The following GSTCD variants were observed in gnomAD, a reference collection of about 807,000 sequenced individuals.
GSTCD encodes glutathione S-transferase C-terminal domain containing, also known as glutathione S-transferase C-terminal domain-containing protein.
Under a neutral mutation model 68.3 loss-of-function variants are expected in GSTCD, and 44 were observed. The observed-to-expected ratio is 0.64, with a 90% CI of 0.51 to 0.83. The LOEUF (loss-of-function observed/expected upper bound fraction) is 0.83, where lower values mean the gene tolerates loss of function less well. Ranked by LOEUF, GSTCD falls within the 40% of genes least tolerant of loss-of-function variation. The probability of loss-of-function intolerance (pLI) is 0.00; values close to 1 mark genes in which losing one functional copy is unlikely to be tolerated. For synonymous variants in GSTCD, 273 were observed against 255.2 expected, an observed-to-expected ratio of 1.07 and a Z score of -0.67; for missense variants, 739 against 735.9, an observed-to-expected ratio of 1.00 and a Z score of -0.05.
intron 5 of GSTCD, among the ~76,000 whole-genome samples, chr4:105,786,689 A>AGACAT (rs754660189): frequency 1.4e-4 from 22 of 152,176 alleles, no homozygotes; most frequent in Non-Finnish European, 2.8e-4. Context: ...GTATCTGAGT[A>AGACAT]GACATTTCTT....
chr4:105,741,597 T>C (rs991478851), intron 5 of GSTCD, among the ~76,000 whole-genome samples: 2 of 152,234 alleles, frequency 1.3e-5, no homozygotes, highest in African/African-American at 4.8e-5. Context: ...GACAAAATAA[T>C]ATTTTCACTT....
intron 7 of GSTCD, among the ~76,000 whole-genome samples, chr4:105,824,150 G>A (rs1423568302): frequency 1.3e-5 from 2 of 152,042 alleles, no homozygotes; most frequent in African/African-American, 4.8e-5. Flanking sequence ...AAAAAAATGT[G>A]GAAGAACTAA....
At chr4:105,717,565 A>G (rs753147666) in intron 1 of GSTCD, 28 bp from the exon 2 acceptor site, 3 of 1,279,094 alleles carry the variant, frequency 2.3e-6, no homozygotes, top group African/African-American at 3.0e-5. Flanking sequence ...ATATTCTAAG[A>G]CCATAATCAC....
At chr4:105,712,836 C>T (rs1732577218) in intron 1 of GSTCD, among the ~76,000 whole-genome samples, 3 of 151,918 alleles carry the variant, frequency 2.0e-5, no homozygotes, top group African/African-American at 7.3e-5. Flanking sequence ...AAGTAGAACA[C>T]GAAGGGAAGG....
chr4:105,843,937 G>A (rs956181754), intron 11 of GSTCD, among the ~76,000 whole-genome samples: 1 of 152,048 alleles, frequency 6.6e-6, no homozygotes, highest in South Asian at 2.1e-4. Flanking sequence ...TGGGAAGAAC[G>A]GGGGGAATCA....
intron 5 of GSTCD, among the ~76,000 whole-genome samples, chr4:105,742,078 G>A (rs537153628): frequency 2.6e-5 from 4 of 152,210 alleles, no homozygotes; most frequent in South Asian, 2.1e-4. Flanking sequence ...ATGTCTCAAC[G>A]ACTGACTCTT....
intron 10 of GSTCD, among the ~76,000 whole-genome samples, chr4:105,838,267 A>G (rs1724201807): frequency 2.6e-5 from 4 of 152,354 alleles, no homozygotes; most frequent in South Asian, 4.1e-4. Flanking sequence ...GGCAGAAGCA[A>G]ATGGGCCAGG....
At chr4:105,711,635 C>T (rs1456277238) in intron 1 of GSTCD, among the ~76,000 whole-genome samples, 1 of 152,174 alleles carries the variant, frequency 6.6e-6, no homozygotes, top group Non-Finnish European at 1.5e-5. Context: ...GTATGGCACA[C>T]TACATGGTAG....
intron 5 of GSTCD, among the ~76,000 whole-genome samples, chr4:105,749,284 A>G (rs1436407817): frequency 1.3e-5 from 2 of 152,028 alleles, no homozygotes; most frequent in Admixed American, 6.5e-5. Flanking sequence ...AACACATAAA[A>G]TAATTTAATC....
intron 5 of GSTCD, among the ~76,000 whole-genome samples, chr4:105,741,101 AT>A (rs1733617169): frequency 6.6e-6 from 1 of 152,080 alleles, no homozygotes; most frequent in Non-Finnish European, 1.5e-5. Context: ...ATAATTCTTA[AT>A]TTTTAATCCT....
chr4:105,794,839 TTATCTATCTATCTATCTATCTATC>T (rs148088004), intron 5 of GSTCD, among the ~76,000 whole-genome samples: 19 of 114,484 alleles, frequency 1.7e-4, no homozygotes, highest in African/African-American at 7.8e-4. Context: ...ATCTATCTAT[TTATCTATCTATCTATCTATCTATC>T]TATCTATCTA....
At chr4:105,723,036 T>G (rs1258482120) in intron 3 of GSTCD, among the ~76,000 whole-genome samples, 7 of 151,928 alleles carry the variant, frequency 4.6e-5, no homozygotes, top group African/African-American at 1.7e-4. Flanking sequence ...CAATTTCTTG[T>G]AAACATGAAT....
Position 105,726,907 on chromosome 4 carries a change from A to G in GSTCD, c.1146+77A>G. 4.5e-6 allele frequency: 5 copies of G among 1,117,544 alleles called. No homozygotes were observed. In the South Asian group the frequency reaches 6.8e-5, roughly 15 times the overall value. The allele number at this position is 1,117,544 out of a possible 1,614,324, so 69.2% of individuals were successfully genotyped here. On this transcript the variant is annotated intron_variant, in intron 4 of 11. Transcript: ENST00000515279. ...GAGCATTCTACTCCAACTTGTAATC[A>G]TTTGTTGACATTATTTTTGTTATAA... is the stretch of plus-strand genomic sequence containing the variant.
intron 8 of GSTCD, among the ~76,000 whole-genome samples, chr4:105,833,044 A>G (rs1723957406): frequency 6.6e-6 from 1 of 152,204 alleles, no homozygotes; most frequent in African/African-American, 2.4e-5. Flanking sequence ...TGGCTCATGT[A>G]AGTCTAGAAG....
intron 5 of GSTCD, among the ~76,000 whole-genome samples, chr4:105,762,705 T>TAGGG (rs1397070771): frequency 6.6e-6 from 1 of 152,220 alleles, no homozygotes; most frequent in Non-Finnish European, 1.5e-5. Context: ...CTTTTAAAAG[T>TAGGG]TGATTCTCAG....
intron 5 of GSTCD, among the ~76,000 whole-genome samples, chr4:105,770,941 C>T (rs746426939): frequency 2.0e-5 from 3 of 152,150 alleles, no homozygotes; most frequent in Admixed American, 6.5e-5. Flanking sequence ...CTTGAGGAAT[C>T]GCCACACTGT....
chr4:105,831,356 A>G (rs751826249), intron 8 of GSTCD, among the ~76,000 whole-genome samples: 2 of 152,118 alleles, frequency 1.3e-5, no homozygotes, highest in Non-Finnish European at 2.9e-5. Context: ...AGGAAGAGTG[A>G]CCTAGCAAGT....
chr4:105,766,474 C>T (rs1250762875), intron 5 of GSTCD, among the ~76,000 whole-genome samples: 3 of 152,174 alleles, frequency 2.0e-5, no homozygotes, highest in Non-Finnish European at 2.9e-5. Context: ...TAGAATAGAA[C>T]CAGGGAGAGG....
intron 5 of GSTCD, among the ~76,000 whole-genome samples, chr4:105,788,846 T>C (rs1191537354): frequency 6.6e-6 from 1 of 152,068 alleles, no homozygotes; most frequent in Non-Finnish European, 1.5e-5. Context: ...TTTTTTTTAA[T>C]GCAAAGACTG....
Sources: gnomAD v4.1 joint callset for allele counts (sites outside exome capture counted in the v4.1 genomes callset) on GRCh38, gnomAD v4.1.1 for gene constraint, MANE v1.5 for transcripts, NCBI Gene and HGNC (gene_info 2026-07-23, HGNC 2026-07-21) for gene names.